The following PPARGC1A variants were observed in gnomAD, a reference collection of about 807,000 sequenced individuals.
PPARGC1A encodes peroxisome proliferator-activated receptor gamma coactivator 1-alpha.
PPARGC1A carries 25 observed loss-of-function variants against 88.7 expected under a neutral mutation model. That is an observed-to-expected ratio of 0.28 (90% CI 0.21 to 0.39). The LOEUF (loss-of-function observed/expected upper bound fraction) is 0.39, where lower values mean the gene tolerates loss of function less well. PPARGC1A is among the 10% of genes least tolerant of loss of function. The pLI, the probability that PPARGC1A is intolerant of heterozygous loss-of-function variation, is 1.00. For synonymous variants in PPARGC1A, 363 were observed against 355.6 expected (o/e 1.02, Z -0.24); for missense variants, 880 against 968.7 (o/e 0.91, Z 1.22).
chr4:23,910,150 TATATA>T, the PPARGC1A span, among the ~76,000 whole-genome samples: 2 of 123,452 alleles, frequency 1.6e-5, no homozygotes, highest in African/African-American at 3.0e-5. Context: ...ATCTATATTA[TATATA>T]ATATAAATAT....
the PPARGC1A span, among the ~76,000 whole-genome samples, chr4:24,233,025 C>T: frequency 6.6e-6 from 1 of 152,014 alleles, no homozygotes; most frequent in Non-Finnish European, 1.5e-5. Context: ...CACAAGGATC[C>T]CAAGGCTGCA....
intron 2 of PPARGC1A, among the ~76,000 whole-genome samples, chr4:23,864,790 TTAAA>T (rs1296949269): frequency 6.6e-6 from 1 of 152,188 alleles, no homozygotes; most frequent in Admixed American, 6.5e-5. Context: ...ACAGCCCGTC[TTAAA>T]GGGGACTAAA....
upstream of PPARGC1A, among the ~76,000 whole-genome samples, chr4:23,903,807 TA>T (rs928248442): frequency 6.6e-6 from 1 of 151,458 alleles, no homozygotes; most frequent in African/African-American, 2.4e-5. Flanking sequence ...CGAACAGCTT[TA>T]AAAAAAAATG....
At chr4:24,294,112 C>T in the PPARGC1A span, among the ~76,000 whole-genome samples, 5 of 152,274 alleles carry the variant, frequency 3.3e-5, no homozygotes, top group East Asian at 1.9e-4. Context: ...CATCCCAAGT[C>T]GAGCTCATAC....
At chr4:24,031,700 C>A in the PPARGC1A span, among the ~76,000 whole-genome samples, 1 of 152,272 alleles carries the variant, frequency 6.6e-6, no homozygotes, top group East Asian at 1.9e-4. Flanking sequence ...GCACCCCACC[C>A]CTAAATGTCC....
the PPARGC1A span, among the ~76,000 whole-genome samples, chr4:24,290,954 T>A: frequency 6.6e-6 from 1 of 152,178 alleles, no homozygotes; most frequent in East Asian, 1.9e-4. Context: ...TTCCCTGATA[T>A]CTAACAGAAA....
At chr4:24,341,348 T>C in the PPARGC1A span, among the ~76,000 whole-genome samples, 3 of 152,072 alleles carry the variant, frequency 2.0e-5, no homozygotes, top group Admixed American at 6.5e-5. Flanking sequence ...AATGAAAATA[T>C]ATTTCAATAC....
the PPARGC1A span, among the ~76,000 whole-genome samples, chr4:24,387,874 A>AAG: frequency 3.0e-5 from 3 of 99,100 alleles, no homozygotes; most frequent in African/African-American, 1.1e-4. Context: ...GAAAGGAAGA[A>AAG]AGAGAAAGAA....
the PPARGC1A span, among the ~76,000 whole-genome samples, chr4:23,964,086 C>G: frequency 6.6e-6 from 1 of 152,130 alleles, no homozygotes; most frequent in Non-Finnish European, 1.5e-5. Flanking sequence ...GAACAAGATT[C>G]CTTACAATAC....
chr4:24,454,242 C>T, the PPARGC1A span, among the ~76,000 whole-genome samples: 1 of 151,312 alleles, frequency 6.6e-6, no homozygotes, highest in South Asian at 2.1e-4. Context: ...CTGACCTTAG[C>T]CCATATTCCT....
the PPARGC1A span, among the ~76,000 whole-genome samples, chr4:24,314,108 CAA>C: frequency 6.6e-6 from 1 of 152,190 alleles, no homozygotes; most frequent in East Asian, 1.9e-4. Flanking sequence ...CATATGTCAA[CAA>C]AAGAGTAAAA....
chr4:24,055,535 G>A, the PPARGC1A span, among the ~76,000 whole-genome samples: 1 of 152,216 alleles, frequency 6.6e-6, no homozygotes, highest in African/African-American at 2.4e-5. Context: ...CCCATTTCAT[G>A]GGAGCACAGA....
the PPARGC1A span, among the ~76,000 whole-genome samples, chr4:24,363,236 C>G: frequency 2.6e-5 from 4 of 152,066 alleles, no homozygotes; most frequent in African/African-American, 9.7e-5. Flanking sequence ...AAAAATTGGG[C>G]TAACTTACCT....
At chr4:24,209,907 A>G in the PPARGC1A span, among the ~76,000 whole-genome samples, 3 of 152,204 alleles carry the variant, frequency 2.0e-5, no homozygotes, top group African/African-American at 7.2e-5. Context: ...AGACTAGAGA[A>G]AGGACTATTG....
intron 2 of PPARGC1A, among the ~76,000 whole-genome samples, chr4:23,843,164 G>T (rs1727366767): frequency 1.3e-5 from 2 of 151,928 alleles, no homozygotes; most frequent in African/African-American, 4.8e-5. Context: ...TTCAGTTCTG[G>T]AGTCTATTTT....
chr4:24,312,577 TATG>T, the PPARGC1A span, among the ~76,000 whole-genome samples: 1 of 144,266 alleles, frequency 6.9e-6, no homozygotes, highest in Admixed American at 7.2e-5. Flanking sequence ...GTCTTAATTC[TATG>T]AATATAGTCA....
At chr4:24,275,854 T>C in the PPARGC1A span, among the ~76,000 whole-genome samples, 2 of 152,166 alleles carry the variant, frequency 1.3e-5, no homozygotes, top group South Asian at 2.1e-4. Flanking sequence ...TATGCATATA[T>C]ATAATACACA....
At chr4:23,891,879 C>T (rs538359509), upstream of PPARGC1A, among the ~76,000 whole-genome samples, 6 of 152,232 alleles carry the variant, frequency 3.9e-5, no homozygotes, top group Admixed American at 2.6e-4. Flanking sequence ...ATTTTCTTCC[C>T]AATTATATTC....
In PPARGC1A at chr4:23,798,820, G is replaced by C. The variant is rs191019573; in HGVS notation, c.2294-2895C>G. Reference sequence around the variant, plus strand: ...TTCATGGCAACTAGAACTTAAATCTGGGCTTCACTGTTTTAACCTTGATCA... The same window carrying C: ...TTCATGGCAACTAGAACTTAAATCTCGGCTTCACTGTTTTAACCTTGATCA... On this transcript the variant is annotated intron_variant, in intron 12 of 12. Transcript: ENST00000264867. Among the ~76,000 whole-genome samples the C allele has an allele frequency of 3.7e-3, 566 of 152,062 alleles. 1 individual carries two copies. Among genetic ancestry groups the C allele is most frequent in the Non-Finnish European group, 6.2e-3 (420 of 67,984 alleles).
Sources: gnomAD v4.1 joint callset for allele counts (sites outside exome capture counted in the v4.1 genomes callset) on GRCh38, gnomAD v4.1.1 for gene constraint, MANE v1.5 for transcripts, NCBI Gene and HGNC (gene_info 2026-07-23, HGNC 2026-07-21) for gene names.